Variants in SLC25A13 observed in about 807,000 individuals in gnomAD.
SLC25A13 encodes the protein solute carrier family 25 member 13.
A neutral mutation model predicts 85.5 loss-of-function variants in SLC25A13; 70 were observed. That is an observed-to-expected ratio of 0.82 (90% CI 0.68 to 1.00). The LOEUF is 1.00. Among genes scored for constraint, SLC25A13 ranks in the 50% least tolerant of loss-of-function variants. The pLI is 0.00. For synonymous variants in SLC25A13, 259 were observed against 288.7 expected (o/e 0.90, Z 1.04); for missense variants, 765 against 819.8 (o/e 0.93, Z 0.82).
Position 96,141,022 on chromosome 7 carries a change from T to TC in SLC25A13, c.1452+5533_1452+5534insG, listed in dbSNP as rs1324659257. 3.0e-3 allele frequency among the ~76,000 whole-genome samples: 440 copies of TC among 146,842 alleles called. 3 individuals carry two copies. The highest frequency in any genetic ancestry group is 0.01 in the Middle Eastern group (3 of 288). Reference sequence around the variant, plus strand: ...CGCATTCCTTTCTTTTTTCTTTCTTTTTTTTTTTTTTTTTTAGACACAGCA... The same window carrying TC: ...CGCATTCCTTTCTTTTTTCTTTCTTTCTTTTTTTTTTTTTTTAGACACAGCA... On this transcript the variant is annotated intron_variant, in intron 14 of 17. Coordinates refer to ENST00000265631, the MANE Select transcript of SLC25A13 (RefSeq NM_014251.3).
intron 1 of SLC25A13, among the ~76,000 whole-genome samples, chr7:96,303,547 T>C (rs939320103): frequency 1.3e-5 from 2 of 152,150 alleles, no homozygotes; most frequent in Admixed American, 6.5e-5. Flanking sequence ...CTTCCTATAC[T>C]AAAGACACTA....
At chr7:96,159,905 T>A (rs948573886) in intron 13 of SLC25A13, among the ~76,000 whole-genome samples, 1 of 152,210 alleles carries the variant, frequency 6.6e-6, no homozygotes, top group Non-Finnish European at 1.5e-5. Context: ...AATATTAAGT[T>A]TCATGTTTTC....
At chr7:96,277,410 G>A in intron 2 of SLC25A13, 72 bp from the exon 3 acceptor site, 1 of 1,426,560 alleles carries the variant, frequency 7.0e-7, no homozygotes, top group South Asian at 1.2e-5. Flanking sequence ...AGAGTGATAT[G>A]TGAAAAAGTT....
At chr7:96,277,171 A>G (rs1798484680) in intron 3 of SLC25A13, 25 bp downstream of exon 3, 7 of 1,532,660 alleles carry the variant, frequency 4.6e-6, no homozygotes, top group Non-Finnish European at 6.1e-6. Flanking sequence ...AAAGAATTAA[A>G]TAAAATAATT....
chr7:96,170,183 TTA>T, intron 12 of SLC25A13, 58 bp from the exon 13 acceptor site: 1 of 1,418,324 alleles, frequency 7.1e-7, no homozygotes, highest in Non-Finnish European at 1.0e-6. Flanking sequence ...CATTAAACAC[TTA>T]TAAATATGCA....
chr7:96,169,599 A>G (rs1257350417), intron 13 of SLC25A13, among the ~76,000 whole-genome samples: 5 of 152,166 alleles, frequency 3.3e-5, no homozygotes, highest in Non-Finnish European at 7.3e-5. Context: ...TCCCAAAAGC[A>G]GTGGAAGCTT....
intron 1 of SLC25A13, among the ~76,000 whole-genome samples, chr7:96,311,121 A>T (rs767019672): frequency 1.6e-4 from 25 of 152,236 alleles, no homozygotes; most frequent in Non-Finnish European, 3.1e-4. Context: ...GTGTATTTAA[A>T]TAATGAAAAT....
At chr7:96,176,343 T>C (rs1794221919) in intron 11 of SLC25A13, among the ~76,000 whole-genome samples, 2 of 152,240 alleles carry the variant, frequency 1.3e-5, no homozygotes, top group African/African-American at 4.8e-5. Flanking sequence ...GATGTGTGTG[T>C]TGTTTCTAAC....
At chr7:96,289,993 G>A (rs1239302956) in intron 2 of SLC25A13, among the ~76,000 whole-genome samples, 3 of 152,172 alleles carry the variant, frequency 2.0e-5, no homozygotes, top group African/African-American at 7.2e-5. Flanking sequence ...GGAAAAAAAT[G>A]TTAAGGGCAG....
chr7:96,196,359 A>G (rs988452035), intron 5 of SLC25A13, among the ~76,000 whole-genome samples: 1 of 152,180 alleles, frequency 6.6e-6, no homozygotes, highest in Admixed American at 6.6e-5. Flanking sequence ...ATAACTCAAC[A>G]TCTTAGAGAT....
At chr7:96,157,551 C>T (rs985822809) in intron 13 of SLC25A13, among the ~76,000 whole-genome samples, 1 of 152,176 alleles carries the variant, frequency 6.6e-6, no homozygotes, top group Non-Finnish European at 1.5e-5. Flanking sequence ...CACCTGTAAT[C>T]CCAGCACTTT....
Position 96,193,112 on chromosome 7 carries a change from G to A in SLC25A13, c.540C>T (p.Ala180=), listed in dbSNP as rs1330583608. ...TGACCATGATGTCTCGGAAGTCGAT[G>A]GCTGTGACTCTCCCAGTCCTAGCAT... is the stretch of plus-strand genomic sequence containing the variant. ...RDNARTGRVT[A]IDFRDIMVTI... The change falls in exon 6 of 18, where the codon GCC becomes GCT. Residue 180 remains alanine (A), a synonymous_variant. Transcript: ENST00000265631. 6.2e-7 allele frequency: 1 copy of A among 1,613,988 alleles called. No individual in the cohort carries two copies. Among genetic ancestry groups the A allele is most frequent in the African/African-American group, 1.3e-5 (1 of 74,904 alleles).
intron 1 of SLC25A13, among the ~76,000 whole-genome samples, chr7:96,314,878 C>T (rs1205712694): frequency 6.6e-6 from 1 of 152,124 alleles, no homozygotes. Flanking sequence ...CCTTTCCAAC[C>T]CTCTATTTGC....
At chr7:96,311,849 T>C (rs960950474) in intron 1 of SLC25A13, among the ~76,000 whole-genome samples, 3 of 152,172 alleles carry the variant, frequency 2.0e-5, no homozygotes, top group African/African-American at 4.8e-5. Flanking sequence ...CTGACCTCTA[T>C]GTTAAACAAA....
chr7:96,190,171 G>A (rs1055623934), intron 7 of SLC25A13, among the ~76,000 whole-genome samples: 1 of 148,344 alleles, frequency 6.7e-6, no homozygotes, highest in Non-Finnish European at 1.5e-5. Flanking sequence ...TACAACCTCC[G>A]ACTCTTGGGT....
chr7:96,198,041 G>A (rs746628035), intron 5 of SLC25A13, among the ~76,000 whole-genome samples: 4 of 152,172 alleles, frequency 2.6e-5, no homozygotes, highest in Non-Finnish European at 5.9e-5. Context: ...TTCAACCATA[G>A]GCTGAGGAAC....
rs778039763 is a variant in SLC25A13 at position 96,121,826 on chromosome 7, A to G, written c.1750+13T>C. ...ATACCAAAGAGTTAGTTAAGAACAC[A>G]TTATTTCCATACCACCAGCTCCCTT... On this transcript the variant is annotated intron_variant, in intron 16 of 17. Transcript: ENST00000265631. 18 of 1,614,222 alleles carry G rather than the reference A, an allele frequency of 1.1e-5. No individual in the cohort carries two copies. The South Asian group carries it at 1.9e-4, about 17-fold the overall frequency.
At chr7:96,185,830 G>A (rs931955516) in intron 9 of SLC25A13, among the ~76,000 whole-genome samples, 1 of 151,858 alleles carries the variant, frequency 6.6e-6, no homozygotes, top group Non-Finnish European at 1.5e-5. Context: ...AACCCGTGAG[G>A]TGAAGCTTGC....
At chr7:96,313,688 C>T (rs1308933137) in intron 1 of SLC25A13, among the ~76,000 whole-genome samples, 1 of 152,140 alleles carries the variant, frequency 6.6e-6, no homozygotes, top group Non-Finnish European at 1.5e-5. Context: ...ATGGGGTCAA[C>T]TGTACCCCAA....
Sources: gnomAD v4.1 joint callset for allele counts (sites outside exome capture counted in the v4.1 genomes callset) on GRCh38, gnomAD v4.1.1 for gene constraint, MANE v1.5 for transcripts, NCBI Gene and HGNC (gene_info 2026-07-23, HGNC 2026-07-21) for gene names.